The following CPED1 variants were observed in gnomAD, a reference collection of about 807,000 sequenced individuals.
CPED1 encodes the protein cadherin-like and PC-esterase domain-containing protein 1.
Under a neutral mutation model 128.2 loss-of-function variants are expected in CPED1, and 114 were observed. The ratio of observed to expected loss-of-function variants is 0.89; its 90% confidence interval spans 0.76 to 1.04. The LOEUF (loss-of-function observed/expected upper bound fraction) is 1.04, where lower values mean the gene tolerates loss of function less well. Ranked by LOEUF, CPED1 falls within the 50% of genes least tolerant of loss-of-function variation. The probability of loss-of-function intolerance (pLI) is 0.00; values close to 1 mark genes in which losing one functional copy is unlikely to be tolerated. For missense variants in CPED1, 1,211 were observed against 1,207.1 expected, an observed-to-expected ratio of 1.00 and a Z score of -0.05; for synonymous variants, 462 against 426.7, an observed-to-expected ratio of 1.08 and a Z score of -1.02.
At chr7:121,287,647 T>C (rs1792612299) in intron 22 of CPED1, among the ~76,000 whole-genome samples, 1 of 152,200 alleles carries the variant, frequency 6.6e-6, no homozygotes, top group African/African-American at 2.4e-5. Flanking sequence ...TTAACTATTT[T>C]CCTACATTTA....
chr7:121,295,355 A>G lies in CPED1; in HGVS notation c.2869-85A>G, dbSNP rs1311661985. 6 of 1,461,316 alleles carry G rather than the reference A, an allele frequency of 4.1e-6. No homozygotes were observed. In the African/African-American group the frequency reaches 8.5e-5, roughly 21 times the overall value. 90.5% of individuals were successfully genotyped at this position (1,461,316 alleles called of 1,614,324 possible). ...TTTTAGCAACATCTGTGTGGCAGAG[A>G]TGCATGTTCAAGTTTGAGAGTTAGT... is the stretch of plus-strand genomic sequence containing the variant. On this transcript the variant is annotated intron_variant, in intron 22 of 22. Coordinates refer to ENST00000310396, the MANE Select transcript of CPED1 (RefSeq NM_024913.5).
intron 18 of CPED1, chr7:121,261,896 T>C (rs1376435408): frequency 4.9e-6 from 3 of 609,600 alleles, no homozygotes; most frequent in African/African-American, 3.8e-5. Context: ...CAAAGATAAT[T>C]AAACCATTTT....
chr7:121,026,136 T>C (rs1792575412), intron 3 of CPED1, among the ~76,000 whole-genome samples: 1 of 152,182 alleles, frequency 6.6e-6, no homozygotes, highest in South Asian at 2.1e-4. Flanking sequence ...ATTTCAGTGA[T>C]GCCAACTTTA....
intron 4 of CPED1, 91 bp from the exon 5 acceptor site, chr7:121,064,147 A>G (rs893266878): frequency 1.2e-6 from 1 of 839,172 alleles, no homozygotes; most frequent in African/African-American, 1.7e-5. Flanking sequence ...AGTGCATCCC[A>G]TCTATACTCT....
At chr7:121,114,574 G>A (rs1315440900) in intron 7 of CPED1, among the ~76,000 whole-genome samples, 2 of 152,170 alleles carry the variant, frequency 1.3e-5, no homozygotes, top group Admixed American at 1.3e-4. Context: ...AAATTTAGGG[G>A]GAAGCTGTAA....
chr7:121,268,889 G>A (rs560614524), intron 21 of CPED1, among the ~76,000 whole-genome samples: 34 of 152,040 alleles, frequency 2.2e-4, no homozygotes, highest in African/African-American at 7.5e-4. Flanking sequence ...AGACTGGGTT[G>A]GCTGCTCCTA....
chr7:121,148,071 A>G (rs1268894175), intron 16 of CPED1, among the ~76,000 whole-genome samples: 1 of 152,194 alleles, frequency 6.6e-6, no homozygotes, highest in Non-Finnish European at 1.5e-5. Flanking sequence ...ATCAGTAATT[A>G]TTTAATAAAA....
intron 22 of CPED1, among the ~76,000 whole-genome samples, chr7:121,280,175 T>C (rs10255594): frequency 0.084 from 12,839 of 152,178 alleles, 1,793 homozygotes; most frequent in African/African-American, 0.29. Flanking sequence ...GATGCACATC[T>C]AAATAGAGCA....
Position 121,271,367 on chromosome 7 carries a change from C to G in CPED1, c.2805C>G (p.Phe935Leu), listed in dbSNP as rs1363259190. ...ATGGCTATGAAGTAGTTGACACATTCACTATAACAATGGGGCGTTACAAAG... is the reference window on the plus strand; with the variant it reads ...ATGGCTATGAAGTAGTTGACACATTGACTATAACAATGGGGCGTTACAAAG... ...KKHGYEVVDTFTITMGRYKEF... is the reference protein window; with the variant it reads ...KKHGYEVVDTLTITMGRYKEF... Residue 935 changes from phenylalanine (F) to leucine (L), a missense_variant, in exon 22 of 23, where the codon TTC becomes TTG. Transcript: ENST00000310396. 6.2e-7 allele frequency: 1 copy of G among 1,612,676 alleles called. No individual in the cohort carries two copies. Among genetic ancestry groups the G allele is most frequent in the South Asian group, 1.1e-5 (1 of 91,012 alleles).
At chr7:121,040,325 T>G (rs1793017349) in intron 3 of CPED1, among the ~76,000 whole-genome samples, 1 of 152,146 alleles carries the variant, frequency 6.6e-6, no homozygotes, top group Non-Finnish European at 1.5e-5. Context: ...CTATAATCAG[T>G]GTTAGAAACA....
At chr7:120,998,814 CTT>C (rs754633111) in intron 2 of CPED1, among the ~76,000 whole-genome samples, 29 of 143,468 alleles carry the variant, frequency 2.0e-4, no homozygotes, top group Non-Finnish European at 1.5e-4. Flanking sequence ...TTGTGGAATC[CTT>C]TTTTTTTTTT....
chr7:121,119,234 G>T (rs1488746378), intron 7 of CPED1, among the ~76,000 whole-genome samples: 2 of 82,084 alleles, frequency 2.4e-5, no homozygotes, highest in African/African-American at 3.9e-5. Flanking sequence ...ATCTAAAAAA[G>T]ATATTTTTTT....
At chr7:121,136,136 G>A (rs748739182) in intron 14 of CPED1, 46 bp downstream of exon 14, 2 of 1,511,952 alleles carry the variant, frequency 1.3e-6, no homozygotes, top group Non-Finnish European at 1.8e-6. Flanking sequence ...AACAATTAGG[G>A]AACAGCCTTA....
intron 3 of CPED1, among the ~76,000 whole-genome samples, chr7:121,029,046 A>C (rs1792667107): frequency 6.6e-6 from 1 of 152,116 alleles, no homozygotes; most frequent in Non-Finnish European, 1.5e-5. Context: ...TGGCTGTATA[A>C]AGTTATATTA....
chr7:121,128,763 C>T (rs1168225746), intron 11 of CPED1, among the ~76,000 whole-genome samples: 1 of 152,020 alleles, frequency 6.6e-6, no homozygotes, highest in Non-Finnish European at 1.5e-5. Flanking sequence ...GGGGAAAATG[C>T]CAACATTTTT....
chr7:120,994,225 T>G (rs917457692), intron 2 of CPED1: 13 of 152,470 alleles, frequency 8.5e-5, no homozygotes, highest in Non-Finnish European at 2.9e-5. Flanking sequence ...CTCTCTTCTT[T>G]TATATAAAAA....
At chr7:121,248,089 A>T (rs7806875) in intron 18 of CPED1, among the ~76,000 whole-genome samples, 63,627 of 151,990 alleles carry the variant, frequency 0.42, 13,780 homozygotes, top group Middle Eastern at 0.52. Context: ...GGTTCAAAGG[A>T]TAGAGCCACT....
At chr7:121,247,440 G>A (rs1006177690) in intron 18 of CPED1, among the ~76,000 whole-genome samples, 1 of 152,194 alleles carries the variant, frequency 6.6e-6, no homozygotes, top group Non-Finnish European at 1.5e-5. Flanking sequence ...GCCTGAGAGA[G>A]ATCAAGGTTT....
At chr7:120,993,178 A>G (rs1246738163) in intron 2 of CPED1, among the ~76,000 whole-genome samples, 1 of 152,212 alleles carries the variant, frequency 6.6e-6, no homozygotes, top group African/African-American at 2.4e-5. Flanking sequence ...GTCTTCATCA[A>G]AGTAGGTCAC....
Sources: allele counts gnomAD v4.1 joint callset (sites outside exome capture counted in the v4.1 genomes callset), GRCh38; gene constraint gnomAD v4.1.1; transcripts MANE v1.5; gene names NCBI Gene and HGNC (gene_info 2026-07-23, HGNC 2026-07-21).